NALCN: variants seen among roughly 807,000 people sequenced by gnomAD.
NALCN encodes sodium leak channel NALCN.
In NALCN, 111 loss-of-function variants were observed where a neutral mutation model predicts 225.3. The ratio of observed to expected loss-of-function variants is 0.49; its 90% CI spans 0.42 to 0.58. NALCN has a LOEUF of 0.58. Ranked by LOEUF, NALCN falls within the 20% of genes least tolerant of loss-of-function variation. NALCN has a pLI of 0.00. For missense variants in NALCN, 1,378 were observed against 2,202.4 expected (o/e 0.63, Z 7.49); for synonymous variants, 764 against 769.0 (o/e 0.99, Z 0.11).
At chr13:101,100,131 T>A (rs1367753780) in intron 27 of NALCN, among the ~76,000 whole-genome samples, 1 of 152,122 alleles carries the variant, frequency 6.6e-6, no homozygotes, top group Non-Finnish European at 1.5e-5. Context: ...CAGCTAGAGC[T>A]AATGTAAAGG....
intron 9 of NALCN, among the ~76,000 whole-genome samples, chr13:101,289,539 T>G (rs560289599): frequency 7.7e-6 from 1 of 129,312 alleles, no homozygotes; most frequent in Non-Finnish European, 1.8e-5. Flanking sequence ...TATATATATA[T>G]ATATATATAT....
intron 1 of NALCN, among the ~76,000 whole-genome samples, chr13:101,403,868 G>C (rs1475880550): frequency 6.6e-6 from 1 of 152,186 alleles, no homozygotes; most frequent in East Asian, 1.9e-4. Flanking sequence ...ATTAAGAAAA[G>C]AAAATGTTCA....
intron 3 of NALCN, among the ~76,000 whole-genome samples, chr13:101,386,111 G>C (rs915735323): frequency 1.1e-4 from 16 of 152,074 alleles, no homozygotes; most frequent in African/African-American, 3.6e-4. Context: ...GGTTTGATTA[G>C]TGCAAATAAT....
At chr13:101,081,818 C>T (rs2033668930) in intron 33 of NALCN, among the ~76,000 whole-genome samples, 172 bp from the exon 34 acceptor site, 1 of 152,030 alleles carries the variant, frequency 6.6e-6, no homozygotes, top group South Asian at 2.1e-4. Context: ...CACTTTAATG[C>T]CCTTTGAGGT....
chr13:101,082,973 G>A, intron 32 of NALCN, 90 bp from the exon 33 acceptor site: 2 of 1,569,816 alleles, frequency 1.3e-6, no homozygotes, highest in South Asian at 1.1e-5. Flanking sequence ...CATTGACAGT[G>A]AATCTTAATT....
chr13:101,068,294 T>G (rs1488052718), intron 38 of NALCN, among the ~76,000 whole-genome samples: 1 of 152,182 alleles, frequency 6.6e-6, no homozygotes, highest in African/African-American at 2.4e-5. Flanking sequence ...CCAGCTGGCT[T>G]TAACTCTTAG....
intron 13 of NALCN, among the ~76,000 whole-genome samples, chr13:101,216,886 T>C (rs2040756173): frequency 6.6e-6 from 1 of 152,136 alleles, no homozygotes; most frequent in African/African-American, 2.4e-5. Flanking sequence ...AGCAAGTAAT[T>C]AACATTTAGA....
At chr13:101,350,302 C>T (rs2045872376) in intron 6 of NALCN, among the ~76,000 whole-genome samples, 1 of 152,120 alleles carries the variant, frequency 6.6e-6, no homozygotes, top group Admixed American at 6.6e-5. Context: ...ACCACGTTGG[C>T]CTTCTCCCAG....
intron 34 of NALCN, among the ~76,000 whole-genome samples, chr13:101,077,234 T>C (rs1476620628): frequency 6.6e-6 from 1 of 152,196 alleles, no homozygotes; most frequent in Non-Finnish European, 1.5e-5. Flanking sequence ...GTTTTGGGTA[T>C]TTCTTCATAG....
chr13:101,414,762 T>C (rs952055617), intron 1 of NALCN, among the ~76,000 whole-genome samples: 1 of 152,216 alleles, frequency 6.6e-6, no homozygotes, highest in Non-Finnish European at 1.5e-5. Context: ...TTATAAGACA[T>C]GCTTTCTCCT....
At chr13:101,312,560 G>A (rs1457611066) in intron 7 of NALCN, among the ~76,000 whole-genome samples, 2 of 151,770 alleles carry the variant, frequency 1.3e-5, no homozygotes, top group Non-Finnish European at 2.9e-5. Flanking sequence ...GGTATGTTGT[G>A]TCTTTGTTCT....
At chr13:101,179,621 A>G (rs1247850561) in intron 14 of NALCN, among the ~76,000 whole-genome samples, 1 of 152,192 alleles carries the variant, frequency 6.6e-6, no homozygotes, top group African/African-American at 2.4e-5. Context: ...TCCATCCCCC[A>G]TCAGGGGAAC....
chr13:101,298,648 C>T (rs1237109984), intron 7 of NALCN, among the ~76,000 whole-genome samples: 1 of 152,124 alleles, frequency 6.6e-6, no homozygotes, highest in African/African-American at 2.4e-5. Flanking sequence ...AAAAAGAGAG[C>T]GATGAATAGT....
chr13:101,309,900 A>G (rs1016798619), intron 7 of NALCN, among the ~76,000 whole-genome samples: 4 of 152,214 alleles, frequency 2.6e-5, no homozygotes, highest in African/African-American at 9.7e-5. Context: ...ACATGTAATG[A>G]AACCGAGATC....
intron 13 of NALCN, among the ~76,000 whole-genome samples, chr13:101,227,167 C>T (rs1393714339): frequency 6.6e-6 from 1 of 152,188 alleles, no homozygotes; most frequent in Non-Finnish European, 1.5e-5. Flanking sequence ...CGACACCTGT[C>T]AGCTCAACAC....
intron 13 of NALCN, among the ~76,000 whole-genome samples, chr13:101,193,649 G>A (rs2039773696): frequency 6.6e-6 from 1 of 152,002 alleles, no homozygotes; most frequent in African/African-American, 2.4e-5. Context: ...TATTTTTCTT[G>A]TTATGGTGCC....
intron 7 of NALCN, among the ~76,000 whole-genome samples, chr13:101,297,804 A>G: frequency 6.6e-6 from 1 of 152,170 alleles, no homozygotes; most frequent in East Asian, 1.9e-4. Flanking sequence ...CTGTCTGGGA[A>G]TAGACTTTCA....
intron 14 of NALCN, among the ~76,000 whole-genome samples, chr13:101,190,596 G>A (rs553562461): frequency 1.3e-5 from 2 of 152,178 alleles, no homozygotes; most frequent in Non-Finnish European, 2.9e-5. Context: ...CTATGTCTAT[G>A]TAGTTCTACT....
intron 10 of NALCN, among the ~76,000 whole-genome samples, chr13:101,269,951 A>G (rs557976933): frequency 1.3e-5 from 2 of 152,230 alleles, no homozygotes; most frequent in African/African-American, 4.8e-5. Context: ...TAAAAATAAG[A>G]ATATTAGTCC....
Sources: allele counts gnomAD v4.1 joint callset (sites outside exome capture counted in the v4.1 genomes callset), GRCh38; gene constraint gnomAD v4.1.1; transcripts MANE v1.5; gene names NCBI Gene and HGNC (gene_info 2026-07-23, HGNC 2026-07-21).